Variants in ATP11C observed in about 807,000 individuals in gnomAD.
ATP11C encodes the protein ATPase phospholipid transporting 11C (ATP11C blood group).
Under a neutral mutation model 97.4 loss-of-function variants are expected in ATP11C, and 36 were observed. The ratio of observed to expected loss-of-function variants is 0.37; its 90% confidence interval spans 0.28 to 0.49. The LOEUF is 0.49. Among genes scored for constraint, ATP11C ranks in the 20% least tolerant of loss-of-function variants. The pLI is 0.98. For missense variants in ATP11C, 730 were observed against 824.6 expected, an observed-to-expected ratio of 0.89 and a Z score of 1.40; for synonymous variants, 275 against 290.9, an observed-to-expected ratio of 0.95 and a Z score of 0.56.
chrX:139,935,573 A>AC (rs1243919439), upstream of ATP11C, among the ~76,000 whole-genome samples: 1 of 108,952 alleles, frequency 9.2e-6, no homozygotes, highest in East Asian at 2.9e-4. Flanking sequence ...CTCCATCCCC[A>AC]CCCCCCAAAA....
chrX:139,774,089 C>G (rs12688688), intron 19 of ATP11C, among the ~76,000 whole-genome samples: 12,263 of 111,861 alleles, frequency 0.11, 906 homozygotes, highest in East Asian at 0.29. Context: ...AGACAAAGCT[C>G]ACCCTTGGTC....
chrX:139,827,370 A>T (rs1125214), intron 1 of ATP11C, among the ~76,000 whole-genome samples: 1 of 112,183 alleles, frequency 8.9e-6, no homozygotes, highest in South Asian at 3.7e-4. Flanking sequence ...GAAACTAGTT[A>T]TTTGGCTTTA....
intron 26 of ATP11C, among the ~76,000 whole-genome samples, chrX:139,741,826 A>G (rs1181481763): frequency 8.9e-6 from 1 of 111,828 alleles, no homozygotes; most frequent in Non-Finnish European, 1.9e-5. Flanking sequence ...TCGCTTGCTT[A>G]AAACTTCTGG....
In ATP11C at chrX:139,932,549, C is replaced by T. The variant is rs1047097852; in HGVS notation, c.-507G>A. 3 of 111,115 alleles carry T rather than the reference C, an allele frequency of 2.7e-5. No homozygotes were observed. The highest frequency in any genetic ancestry group is 3.8e-5 in the Non-Finnish European group (2 of 52,672). The allele number at this position is 111,115 out of a possible 1,213,427, so 9.2% of individuals were successfully genotyped here. A position where few individuals can be genotyped will look rare whatever the true frequency, so the allele number is the denominator to read the frequency against. ...CCCCTCGGGGCACGGGGAACCCTCC[C>T]GAGGCACCCCGCGCCTCACCTCGCC... On this transcript the variant is annotated 5_prime_UTR_variant, in exon 1 of 30. Coordinates refer to ENST00000682941, the MANE Select transcript of ATP11C (RefSeq NM_001353812.2).
intron 6 of ATP11C, among the ~76,000 whole-genome samples, chrX:139,802,990 T>A (rs1470923821): frequency 2.7e-5 from 3 of 111,841 alleles, no homozygotes; most frequent in African/African-American, 9.8e-5. Flanking sequence ...AACCCACTTA[T>A]AAATCATCAA....
At chrX:139,926,311 A>AT (rs771900687) in intron 1 of ATP11C, among the ~76,000 whole-genome samples, 9 of 107,915 alleles carry the variant, frequency 8.3e-5, no homozygotes, top group Non-Finnish European at 1.2e-4. Flanking sequence ...AAAAAATAGT[A>AT]TTTTTTTTTT....
chrX:139,863,255 A>G (rs1165721348), intron 1 of ATP11C, among the ~76,000 whole-genome samples: 1 of 112,714 alleles, frequency 8.9e-6, no homozygotes, highest in Non-Finnish European at 1.9e-5. Flanking sequence ...TTCACAGGCC[A>G]GGTGTGGTGG....
chrX:139,795,440 G>T (rs1408931694), intron 12 of ATP11C, among the ~76,000 whole-genome samples: 1 of 111,410 alleles, frequency 9.0e-6, no homozygotes, highest in Non-Finnish European at 1.9e-5. Flanking sequence ...GTGAGGCTCT[G>T]CTCCAGCCAC....
chrX:139,886,399 G>A (rs1424271837), intron 1 of ATP11C, among the ~76,000 whole-genome samples: 1 of 110,265 alleles, frequency 9.1e-6, no homozygotes, highest in Non-Finnish European at 1.9e-5. Context: ...GGCCATCCTC[G>A]CCAACATGGT....
At chrX:139,786,211 T>A (rs181343057) in intron 15 of ATP11C, among the ~76,000 whole-genome samples, 19 of 110,881 alleles carry the variant, frequency 1.7e-4, no homozygotes, top group African/African-American at 5.9e-4. Context: ...AAAATAAGAG[T>A]TGGTTATTAG....
In ATP11C at chrX:139,931,940, T is replaced by C. The variant is rs2085442469; in HGVS notation, c.27+76A>G. On this transcript the variant is annotated intron_variant, in intron 1 of 29. Transcript: ENST00000682941. Reference sequence around the variant, plus strand: ...GAGACGTAACTGCCCCCTCAGAAAATTGTTGTGAGGGACCCGGCGAAGGGG... The same window carrying C: ...GAGACGTAACTGCCCCCTCAGAAAACTGTTGTGAGGGACCCGGCGAAGGGG... 1.2e-5 allele frequency: 13 copies of C among 1,073,967 alleles called. No homozygotes were observed. In the South Asian group the frequency reaches 2.2e-4, roughly 18 times the overall value. 88.5% of individuals were successfully genotyped at this position (1,073,967 alleles called of 1,213,427 possible). A position where few individuals can be genotyped will look rare whatever the true frequency, so the allele number is the denominator to read the frequency against.
intron 1 of ATP11C, among the ~76,000 whole-genome samples, chrX:139,892,961 G>A (rs1450131386): frequency 8.9e-6 from 1 of 111,978 alleles, no homozygotes. Flanking sequence ...ACCAGTGAAA[G>A]AGAATGAGAG....
chrX:139,734,595 AG>A (rs924130047), intron 28 of ATP11C, among the ~76,000 whole-genome samples: 1 of 111,506 alleles, frequency 9.0e-6, no homozygotes, highest in South Asian at 3.8e-4. Context: ...GACTGTGCTT[AG>A]GGGGGACACA....
At chrX:139,891,197 CAAAAAAAAA>C (rs35280856) in intron 1 of ATP11C, among the ~76,000 whole-genome samples, 6 of 35,490 alleles carry the variant, frequency 1.7e-4, no homozygotes, top group Admixed American at 7.5e-4. Context: ...AGAGATTGGC[CAAAAAAAAA>C]AAAAAAAAAA....
intron 1 of ATP11C, among the ~76,000 whole-genome samples, chrX:139,843,172 G>A (rs2083860408): frequency 2.7e-5 from 3 of 112,423 alleles, no homozygotes; most frequent in Non-Finnish European, 5.6e-5. Context: ...CCCTCAAGGT[G>A]ATCAGCCAGT....
chrX:139,765,392 T>C (rs1255103204), intron 20 of ATP11C, among the ~76,000 whole-genome samples: 2 of 111,786 alleles, frequency 1.8e-5, no homozygotes, highest in Admixed American at 9.5e-5. Context: ...ACAAGAATAT[T>C]AGATAAGCAG....
intron 1 of ATP11C, among the ~76,000 whole-genome samples, chrX:139,915,076 A>C (rs1297748072): frequency 4.5e-5 from 5 of 111,847 alleles, no homozygotes; most frequent in Non-Finnish European, 7.5e-5. Flanking sequence ...GAAATCATGG[A>C]TCAGCAATTC....
intron 8 of ATP11C, 46 bp downstream of exon 8, chrX:139,800,014 C>G (rs1603374897): frequency 1.7e-5 from 1 of 58,154 alleles, no homozygotes; most frequent in East Asian, 4.5e-4. Flanking sequence ...GAAAAATAGA[C>G]CCCCCCCCCC....
At chrX:139,837,129 A>T (rs896572850) in intron 1 of ATP11C, among the ~76,000 whole-genome samples, 2 of 111,808 alleles carry the variant, frequency 1.8e-5, no homozygotes, top group Non-Finnish European at 3.8e-5. Flanking sequence ...ACTAAAGGCC[A>T]AACCACCCTC....
Sources: gnomAD v4.1 joint callset for allele counts (sites outside exome capture counted in the v4.1 genomes callset) on GRCh38, gnomAD v4.1.1 for gene constraint, MANE v1.5 for transcripts, NCBI Gene and HGNC (gene_info 2026-07-23, HGNC 2026-07-21) for gene names.